ADARB1: variants seen among roughly 807,000 people sequenced by gnomAD.
The protein encoded by ADARB1 is adenosine deaminase RNA specific B1, also known as double-stranded RNA-specific editase 1.
A neutral mutation model predicts 52.4 loss-of-function variants in ADARB1; 10 were observed. That is an observed-to-expected ratio of 0.19 (90% CI 0.12 to 0.32). ADARB1 has a LOEUF of 0.32. Among genes scored for constraint, ADARB1 ranks in the 10% least tolerant of loss-of-function variants. ADARB1 has a pLI of 1.00. For missense variants in ADARB1, 643 were observed against 922.3 expected (o/e 0.70, Z 3.92); for synonymous variants, 349 against 371.1 (o/e 0.94, Z 0.68).
chr21:45,183,326 C>A (rs759967310), intron 6 of ADARB1, 36 bp from the exon 7 acceptor site: 1 of 1,582,748 alleles, frequency 6.3e-7, no homozygotes, highest in Non-Finnish European at 8.6e-7. Context: ...CTATATACAG[C>A]TTTAAATGTT....
chr21:45,176,367 C>T lies in ADARB1; in HGVS notation c.666C>T (p.Leu222=), dbSNP rs1168742601. 6.2e-7 allele frequency: 1 copy of T among 1,614,196 alleles called. No homozygotes were observed. The highest frequency in any genetic ancestry group is 8.5e-7 in the Non-Finnish European group (1 of 1,180,024). ...PVPASLAQPP[L]PVLPPFPPPS... ...CTGCCAGCCTAGCCCAGCCTCCTCT[C>T]CCTGTCTTACCACCATTCCCACCCC... The change falls in exon 4 of 11, where the codon CTC becomes CTT. Residue 222 remains leucine (L), a synonymous_variant. Transcript: ENST00000348831. This position sits in a 1 kb window ranked among gnomAD's most constrained non-coding sequence, Gnocchi z 5.8.
chr21:45,091,170 A>T (rs887893664), intron 1 of ADARB1, among the ~76,000 whole-genome samples: 5 of 152,332 alleles, frequency 3.3e-5, no homozygotes, highest in Admixed American at 3.3e-4. Flanking sequence ...TATGTCTTTA[A>T]GTCACGTGTT....
chr21:45,171,799 A>T, intron 3 of ADARB1, 115 bp downstream of exon 3: 2 of 932,914 alleles, frequency 2.1e-6, no homozygotes, highest in South Asian at 3.4e-5. Context: ...TTCCCGTAAC[A>T]TCTTCTACTG....
chr21:45,171,277 A>G lies in ADARB1; in HGVS notation c.-47-333A>G, dbSNP rs1364862454. 2.6e-5 allele frequency among the ~76,000 whole-genome samples: 4 copies of G among 152,158 alleles called. 1 individual carries two copies. Among genetic ancestry groups the G allele is most frequent in the Non-Finnish European group, 5.9e-5 (4 of 68,016 alleles). ...GCCTGGAATCAAACCCACCCTCCTC[A>G]GAGTGGTGTGAGGTCCCTGGGCACT... is the stretch of plus-strand genomic sequence containing the variant. On this transcript the variant is annotated intron_variant, in intron 2 of 10. Coordinates refer to ENST00000348831, the MANE Select transcript of ADARB1 (RefSeq NM_001112.4).
At chr21:45,185,792 A>G (rs1008481183) in intron 8 of ADARB1, among the ~76,000 whole-genome samples, 4 of 152,276 alleles carry the variant, frequency 2.6e-5, no homozygotes, top group African/African-American at 9.6e-5. Context: ...AAAGCATACA[A>G]TGATAAAGTT....
At chr21:45,120,027 T>C (rs1425838614) in intron 1 of ADARB1, among the ~76,000 whole-genome samples, 1 of 152,270 alleles carries the variant, frequency 6.6e-6, no homozygotes, top group East Asian at 1.9e-4. Context: ...CCCTTCTTGA[T>C]ACTGAACTAG....
chr21:45,225,985 A>T lies in ADARB1; in HGVS notation c.*3788A>T, dbSNP rs1319635954. On this transcript the variant is annotated 3_prime_UTR_variant, in exon 11 of 11. Coordinates refer to ENST00000348831, the MANE Select transcript of ADARB1 (RefSeq NM_001112.4). ...TTCTAGTGTTCACTTGATGCCGGGG[A>T]ATAGAATTAGAGAAAACTCTGACCT... The T allele has an allele frequency of 1.2e-5, 2 of 162,606 alleles. No homozygotes were observed. The highest frequency in any genetic ancestry group is 2.7e-5 in the Non-Finnish European group (2 of 75,352). 10.1% of individuals were successfully genotyped at this position (162,606 alleles called of 1,614,324 possible).
At chr21:45,126,720 A>C (rs2088608152) in intron 1 of ADARB1, among the ~76,000 whole-genome samples, 1 of 152,194 alleles carries the variant, frequency 6.6e-6, no homozygotes, top group Non-Finnish European at 1.5e-5. Context: ...CAAGTATGGC[A>C]GTTTTACCTC....
chr21:45,114,219 T>C (rs1035325109), intron 1 of ADARB1, among the ~76,000 whole-genome samples: 1 of 152,214 alleles, frequency 6.6e-6, no homozygotes, highest in Non-Finnish European at 1.5e-5. Context: ...GATGGAGTCA[T>C]AGATAAGACA....
chr21:45,088,145 G>C (rs963933333), intron 1 of ADARB1, among the ~76,000 whole-genome samples: 1 of 152,184 alleles, frequency 6.6e-6, no homozygotes, highest in Non-Finnish European at 1.5e-5. Context: ...AGGTGTACGC[G>C]TTACATGCAT....
chr21:45,139,932 TC>T (rs1231780459), intron 2 of ADARB1, among the ~76,000 whole-genome samples: 13 of 97,042 alleles, frequency 1.3e-4, no homozygotes, highest in Middle Eastern at 4.9e-3. Flanking sequence ...ACAATAAAAC[TC>T]TTTTTTTTTT....
intron 2 of ADARB1, among the ~76,000 whole-genome samples, chr21:45,169,200 T>C (rs2091381884): frequency 6.6e-6 from 1 of 152,212 alleles, no homozygotes; most frequent in Admixed American, 6.5e-5. Context: ...AAGGGGTTGT[T>C]AGAGCCTGGT....
intron 1 of ADARB1, among the ~76,000 whole-genome samples, chr21:45,078,142 A>G (rs2086018674): frequency 6.6e-6 from 1 of 152,226 alleles, no homozygotes; most frequent in African/African-American, 2.4e-5. Flanking sequence ...ACACAAAGAA[A>G]AGTGACTTTG....
At chr21:45,135,402 G>A (rs1224408733) in intron 2 of ADARB1, among the ~76,000 whole-genome samples, 3 of 152,246 alleles carry the variant, frequency 2.0e-5, no homozygotes, top group Non-Finnish European at 4.4e-5. Flanking sequence ...CATACTGAGG[G>A]GAGTTAAAAC....
chr21:45,224,158 A>G lies in ADARB1; in HGVS notation c.*1961A>G. ...TCTTGATAAATTGTATTTTTTTCTA[A>G]TGGGGATTGGGAGATGGACTTCGTT... On this transcript the variant is annotated 3_prime_UTR_variant, in exon 11 of 11. Transcript: ENST00000348831. The G allele has an allele frequency of 1.0e-6, 1 of 985,392 alleles. No individual in the cohort carries two copies. Among genetic ancestry groups the G allele is most frequent in the African/African-American group, 1.7e-5 (1 of 57,332 alleles). The allele number at this position is 985,392 out of a possible 1,614,324, so 61.0% of individuals were successfully genotyped here.
intron 1 of ADARB1, among the ~76,000 whole-genome samples, chr21:45,077,685 A>G (rs2123601437): frequency 6.6e-6 from 1 of 152,098 alleles, no homozygotes; most frequent in South Asian, 2.1e-4. Context: ...AAAAGAAAAG[A>G]AAAAGAAAAC....
intron 9 of ADARB1, among the ~76,000 whole-genome samples, chr21:45,206,690 C>T (rs2092674389): frequency 6.7e-6 from 1 of 150,296 alleles, no homozygotes; most frequent in Non-Finnish European, 1.5e-5. Context: ...TGTCCTGCCT[C>T]AGCCTCCCAA....
chr21:45,171,270 C>A (rs1010548599), intron 2 of ADARB1, among the ~76,000 whole-genome samples: 4 of 152,210 alleles, frequency 2.6e-5, no homozygotes, highest in Admixed American at 2.6e-4. Context: ...TCAAACCCAC[C>A]CTCCTCAGAG....
chr21:45,089,163 C>T (rs569232011), intron 1 of ADARB1, among the ~76,000 whole-genome samples: 1 of 152,328 alleles, frequency 6.6e-6, no homozygotes, highest in African/African-American at 2.4e-5. Flanking sequence ...TCGATATATC[C>T]TTCTCCCAGC....
Sources: gnomAD v4.1 joint callset for allele counts (sites outside exome capture counted in the v4.1 genomes callset) on GRCh38, gnomAD v4.1.1 for gene constraint, Gnocchi (gnomAD v3.1) non-coding constraint, MANE v1.5 for transcripts, NCBI Gene and HGNC (gene_info 2026-07-23, HGNC 2026-07-21) for gene names.